Variants in XIRP1 observed in about 807,000 individuals in gnomAD.
The protein encoded by XIRP1 is xin actin-binding repeat-containing protein 1.
For synonymous variants in XIRP1, 984 were observed against 947.0 expected, an observed-to-expected ratio of 1.04 and a Z score of -0.72; for missense variants, 2,378 against 2,345.4, an observed-to-expected ratio of 1.01 and a Z score of -0.29.
In XIRP1 at chr3:39,188,428, G is replaced by T; in HGVS notation, c.1018C>A (p.Pro340Thr). 6.2e-7 allele frequency: 1 copy of T among 1,607,204 alleles called. No individual in the cohort carries two copies. Among genetic ancestry groups the T allele is most frequent in the Non-Finnish European group, 8.5e-7 (1 of 1,174,818 alleles). The change falls in exon 2 of 2, where the codon CCA becomes ACA. Residue 340 changes from proline (P) to threonine (T), a missense_variant. Transcript: ENST00000340369. ...AGATGCTGCTGCTGCTGAACATCTG[G>T]ACCAGGTGGGATAAGGTCTGGGGAT... ...QPSPDLIPPG[P>T]DVQQQQHLFE...
Position 39,185,415 on chromosome 3 carries a change from T to C in XIRP1, c.4031A>G (p.Lys1344Arg). 6.2e-7 allele frequency: 1 copy of C among 1,613,192 alleles called. No individual in the cohort carries two copies. Among genetic ancestry groups the C allele is most frequent in the Non-Finnish European group, 8.5e-7 (1 of 1,179,442 alleles). The change falls in exon 2 of 2, where the codon AAG becomes AGG. Residue 1344 changes from lysine to arginine, a missense_variant. Transcript: ENST00000340369. ...AAAGCTGGGAGATAGAGGCAAGGGC[T>C]TGGGCAGCCTCTGAGGAGGGTGGCT... ...TQSHPPQRLP[K>R]PLPLSPSFSS...
Position 39,186,398 on chromosome 3 carries a change from G to A in XIRP1, c.3048C>T (p.Asn1016=), listed in dbSNP as rs753351850. 8.1e-6 allele frequency: 13 copies of A among 1,614,206 alleles called. No homozygotes were observed. The highest frequency in any genetic ancestry group is 3.3e-5 in the Admixed American group (2 of 60,028). ...GEAAAPAQLQ[N]TEKQEDSHSG... is the part of the protein sequence containing the mutation. ...AGTGACTGTCTTCCTGCTTTTCTGT[G>A]TTTTGCAATTGGGCTGGTGCTGCAG... Residue 1016 remains asparagine, a synonymous_variant, in exon 2 of 2, where the codon AAC becomes AAT. Coordinates refer to ENST00000340369, the MANE Select transcript of XIRP1 (RefSeq NM_194293.4).
In XIRP1 at chr3:39,185,799, G is replaced by A; in HGVS notation, c.3647C>T (p.Pro1216Leu). 6.2e-7 allele frequency: 1 copy of A among 1,613,170 alleles called. No homozygotes were observed. Among genetic ancestry groups the A allele is most frequent in the Non-Finnish European group, 8.5e-7 (1 of 1,179,574 alleles). Reference sequence around the variant, plus strand: ...GGTCTCTGCAGCTTGGAGGCCCCCTGGGCAGACTTCTGCCATCGCCTTCCC... The same window carrying A: ...GGTCTCTGCAGCTTGGAGGCCCCCTAGGCAGACTTCTGCCATCGCCTTCCC... ...PPGKAMAEVC[P>L]GGLQAAETTL... The change falls in exon 2 of 2, where the codon CCA becomes CTA. Residue 1216 changes from proline (P) to leucine (L), a missense_variant. Transcript: ENST00000340369.
Position 39,187,101 on chromosome 3 carries a change from G to C in XIRP1, c.2345C>G (p.Pro782Arg). Reference sequence around the variant, plus strand: ...GATGCCTCCATGGTGCAGGATGCCAGGTGTGGCATGCAGAGTCCGCAGGGT... The same window carrying C: ...GATGCCTCCATGGTGCAGGATGCCACGTGTGGCATGCAGAGTCCGCAGGGT... ...EGTLRTLHAT[P>R]GILHHGGILM... The change falls in exon 2 of 2, where the codon CCT (proline) becomes CGT (arginine). Residue 782 changes from proline to arginine, a missense_variant. Pro to Arg is a moderately radical substitution (Grantham distance 103). Coordinates refer to ENST00000340369, the MANE Select transcript of XIRP1 (RefSeq NM_194293.4). 6.2e-7 allele frequency: 1 copy of C among 1,613,694 alleles called. No individual in the cohort carries two copies. Among genetic ancestry groups the C allele is most frequent in the Non-Finnish European group, 8.5e-7 (1 of 1,179,630 alleles).
At position 39,186,707 on chromosome 3, in the gene XIRP1, C is replaced by T. The variant is rs1471502684; in HGVS notation, c.2739G>A (p.Gln913=). The change falls in exon 2 of 2, where the codon CAG becomes CAA. Residue 913 remains glutamine (Q), a synonymous_variant. Coordinates refer to ENST00000340369, the MANE Select transcript of XIRP1 (RefSeq NM_194293.4). ...CAGAGGCCTTGCTAGTTAGCCGGGG[C>T]TGCAGAGAGTAGGCAGTCAGTGCGA... ...GLVALTAYSL[Q]PRLTSKASER... is the part of the protein sequence containing the mutation. 6.2e-7 allele frequency: 1 copy of T among 1,614,004 alleles called. No homozygotes were observed. Among genetic ancestry groups the T allele is most frequent in the Non-Finnish European group, 8.5e-7 (1 of 1,180,038 alleles).
chr3:39,191,396 A>T (rs551527186), intron 1 of XIRP1, among the ~76,000 whole-genome samples: 3 of 141,544 alleles, frequency 2.1e-5, no homozygotes, highest in African/African-American at 8.0e-5. Flanking sequence ...ATCTCTGCTA[A>T]GGCCACAGAC....
At position 39,184,087 on chromosome 3, in the gene XIRP1, T is replaced by C. The variant is rs781623202; in HGVS notation, c.5359A>G (p.Thr1787Ala). 1 of 1,608,054 alleles carries C rather than the reference T, an allele frequency of 6.2e-7. No individual in the cohort carries two copies. Among genetic ancestry groups the C allele is most frequent in the East Asian group, 2.2e-5 (1 of 44,724 alleles). Residue 1787 changes from threonine to alanine, a missense_variant, in exon 2 of 2, where the codon ACC becomes GCC. By Grantham distance (58) the Thr-to-Ala change is moderately conservative. Coordinates refer to ENST00000340369, the MANE Select transcript of XIRP1 (RefSeq NM_194293.4). ...QFGNTVLMSS[T>A]TVTEQAEPPR... ...GGCTCTGCCTGCTCGGTGACTGTGG[T>C]GGAAGACATGAGGACTGTGTTCCCA...
In XIRP1 at chr3:39,186,141, T is replaced by C. The variant is rs778548901; in HGVS notation, c.3305A>G (p.Asn1102Ser). 1.2e-6 allele frequency: 2 copies of C among 1,613,496 alleles called. No individual in the cohort carries two copies. The highest frequency in any genetic ancestry group is 1.1e-5 in the South Asian group (1 of 90,998). The change falls in exon 2 of 2, where the codon AAC becomes AGC. Residue 1102 changes from asparagine (N) to serine (S), a missense_variant. Coordinates refer to ENST00000340369, the MANE Select transcript of XIRP1 (RefSeq NM_194293.4). ...ATCACTTCCACCCCCAGGCCTTATG[T>C]TGCTTTGGGTAGCCCCAGCTTTCCG... ...GLRKAGATQS[N>S]IRPGGGSDPR...
rs375830547 is a variant in XIRP1, at chr3:39,189,372, G to A, written c.74C>T (p.Pro25Leu). 6.2e-7 allele frequency: 1 copy of A among 1,612,038 alleles called. No homozygotes were observed. The highest frequency in any genetic ancestry group is 8.5e-7 in the Non-Finnish European group (1 of 1,179,550). The change falls in exon 2 of 2, where the codon CCT becomes CTT. Residue 25 changes from proline (P) to leucine (L), a missense_variant. By Grantham distance (98) the Pro-to-Leu change is moderately conservative. Transcript: ENST00000340369. ...CAGGTCCTCCAGGGCTGGGGGTGGA[G>A]GGAGGGGCAGGTCCTCTGCAGTTGC... ...RMATAEDLPL[P>L]PPPALEDLPL...
In XIRP1 at chr3:39,188,985, C is replaced by T. The variant is rs530310021; in HGVS notation, c.461G>A (p.Arg154His). Residue 154 changes from arginine (R) to histidine (H), a missense_variant, in exon 2 of 2, where the codon CGT becomes CAT. By Grantham distance (29) the Arg-to-His change is conservative. Transcript: ENST00000340369. ...TRPQPGGGDV[R>H]AARWLFETKP... ...TGTCTCAAATAGCCAGCGGGCTGCA[C>T]GAACGTCTCCTCCACCTGGCTGGGG... is the stretch of plus-strand genomic sequence containing the variant. 24 of 1,613,872 alleles carry T rather than the reference C, an allele frequency of 1.5e-5. No homozygotes were observed. The African/African-American group carries it at 1.9e-4, about 13-fold the overall frequency.
chr3:39,188,002 G>C lies in XIRP1; in HGVS notation c.1444C>G (p.Pro482Ala), dbSNP rs1321783803. ...SAGQAQGIGS[P>A]VYAMQDSKGR... ...TTGCTGTCCTGCATGGCATACACTGGGGACCCTATGCCCTGGGCCTGCCCA... is the reference window on the plus strand; with the variant it reads ...TTGCTGTCCTGCATGGCATACACTGCGGACCCTATGCCCTGGGCCTGCCCA... The change falls in exon 2 of 2, where the codon CCA becomes GCA. Residue 482 changes from proline to alanine, a missense_variant. Transcript: ENST00000340369. 3 of 1,614,218 alleles carry C rather than the reference G, an allele frequency of 1.9e-6. No individual in the cohort carries two copies. The South Asian group carries it at 3.3e-5, about 18-fold the overall frequency.
In XIRP1 at chr3:39,186,688, C is replaced by A; in HGVS notation, c.2758G>T (p.Ala920Ser). The change falls in exon 2 of 2, where the codon GCC becomes TCC. Residue 920 changes from alanine to serine, a missense_variant. Transcript: ENST00000340369. ...YSLQPRLTSKASERSSVQLLA... is the reference protein window; with the variant it reads ...YSLQPRLTSKSSERSSVQLLA... ...AGCTGCACGCTGCTCCTCTCAGAGG[C>A]CTTGCTAGTTAGCCGGGGCTGCAGA... 1.2e-6 allele frequency: 2 copies of A among 1,614,026 alleles called. No individual in the cohort carries two copies. Among genetic ancestry groups the A allele is most frequent in the Non-Finnish European group, 1.7e-6 (2 of 1,180,030 alleles).
rs768418504 is a variant in XIRP1, at chr3:39,188,385, A to G, written c.1061T>C (p.Leu354Pro). Residue 354 changes from leucine (L) to proline (P), a missense_variant, in exon 2 of 2, where the codon CTG becomes CCG. Physicochemically the swap from Leu to Pro is moderately conservative, Grantham distance 98. Transcript: ENST00000340369. ...QQQHLFETRALDTLKGDEEAG... is the reference protein window; with the variant it reads ...QQQHLFETRAPDTLKGDEEAG... Reference sequence around the variant, plus strand: ...CTCTTCGTCCCCCTTCAGAGTGTCCAGCGCTCGGGTCTCAAACAGATGCTG... The same window carrying G: ...CTCTTCGTCCCCCTTCAGAGTGTCCGGCGCTCGGGTCTCAAACAGATGCTG... The G allele has an allele frequency of 1.2e-6, 2 of 1,613,518 alleles. No homozygotes were observed. Among genetic ancestry groups the G allele is most frequent in the South Asian group, 1.1e-5 (1 of 91,070 alleles).
rs1282158795 is a variant in XIRP1 at position 39,188,027 on chromosome 3, A to G, written c.1419T>C (p.Ala473=). Residue 473 remains alanine, a synonymous_variant, in exon 2 of 2, where the codon GCT becomes GCC. Coordinates refer to ENST00000340369, the MANE Select transcript of XIRP1 (RefSeq NM_194293.4). ...GGGACCCTATGCCCTGGGCCTGCCCAGCAGAATCAGTTCCTTCTTCTCTGC... is the reference window on the plus strand; with the variant it reads ...GGGACCCTATGCCCTGGGCCTGCCCGGCAGAATCAGTTCCTTCTTCTCTGC... ...SPSREEGTDS[A]GQAQGIGSPV... The G allele has an allele frequency of 5.0e-6, 8 of 1,614,212 alleles. No homozygotes were observed. Among genetic ancestry groups the G allele is most frequent in the African/African-American group, 1.3e-5 (1 of 75,062 alleles).
Position 39,187,582 on chromosome 3 carries a change from C to A in XIRP1, c.1864G>T (p.Glu622Ter), listed in dbSNP as rs746679625. 6.2e-7 allele frequency: 1 copy of A among 1,614,126 alleles called. No individual in the cohort carries two copies. The change falls in exon 2 of 2, where the codon GAG (glutamate) becomes TAG (stop). Residue 622 changes from glutamate to a stop codon, truncating the protein, a stop_gained. Transcript: ENST00000340369. LOFTEE classifies it low-confidence loss of function (END_TRUNC). ...SEVTDPTAKA[E>*]AQSCTWMFKP... ...AACATCCAGGTGCAGGACTGTGCCT[C>A]AGCCTTGGCTGTGGGATCTGTGACC...
In XIRP1 at chr3:39,188,682, G is replaced by A. The variant is rs1366984603; in HGVS notation, c.764C>T (p.Ala255Val). The change falls in exon 2 of 2, where the codon GCC becomes GTC. Residue 255 changes from alanine (A) to valine (V), a missense_variant. Physicochemically the swap from Ala to Val is moderately conservative, Grantham distance 64 (BLOSUM62 0). Coordinates refer to ENST00000340369, the MANE Select transcript of XIRP1 (RefSeq NM_194293.4). ...DAEGAIHEVK[A>V]ACREEIQSNA... Reference sequence around the variant, plus strand: ...GCTTTGGATCTCCTCCCGGCATGCGGCCTTGACCTCATGGATGGCGCCCTC... The same window carrying A: ...GCTTTGGATCTCCTCCCGGCATGCGACCTTGACCTCATGGATGGCGCCCTC... 2 of 1,613,428 alleles carry A rather than the reference G, an allele frequency of 1.2e-6. No homozygotes were observed. The highest frequency in any genetic ancestry group is 1.1e-5 in the South Asian group (1 of 91,088).
At position 39,188,117 on chromosome 3, in the gene XIRP1, G is replaced by T. The variant is rs767633718; in HGVS notation, c.1329C>A (p.Asn443Lys). 6 of 1,614,178 alleles carry T rather than the reference G, an allele frequency of 3.7e-6. No individual in the cohort carries two copies. The Admixed American group carries it at 6.7e-5, about 18-fold the overall frequency. Reference sequence around the variant, plus strand: ...TGTCCAAGGGAAGGGTCTCAAAAAGGTTCTTAAAAGTCTTCACATCCCCCT... The same window carrying T: ...TGTCCAAGGGAAGGGTCTCAAAAAGTTTCTTAAAAGTCTTCACATCCCCCT... ...ELKGDVKTFK[N>K]LFETLPLDSI... The change falls in exon 2 of 2, where the codon AAC becomes AAA. Residue 443 changes from asparagine (N) to lysine (K), a missense_variant. By Grantham distance (94) the Asn-to-Lys change is moderately conservative. Coordinates refer to ENST00000340369, the MANE Select transcript of XIRP1 (RefSeq NM_194293.4).
chr3:39,187,709 TCCC>T lies in XIRP1; in HGVS notation c.1734_1736del (p.Gly579del). 6.2e-7 allele frequency: 1 copy of T among 1,614,070 alleles called. No individual in the cohort carries two copies. Among genetic ancestry groups the T allele is most frequent in the Non-Finnish European group, 8.5e-7 (1 of 1,180,046 alleles). The stretch of plus-strand genomic sequence containing the variant: ...TTGGGGGTGCCTCAGGCTGGGGGTC[TCCC>T]TGACTCTTCCCTTCTTCTTTCTGTC... On this transcript the variant is annotated inframe_deletion, in exon 2 of 2. Transcript: ENST00000340369.
chr3:39,187,698 G>A lies in XIRP1; in HGVS notation c.1748C>T (p.Pro583Leu). 6.2e-7 allele frequency: 1 copy of A among 1,614,054 alleles called. No individual in the cohort carries two copies. Among genetic ancestry groups the A allele is most frequent in the Non-Finnish European group, 8.5e-7 (1 of 1,180,036 alleles). Residue 583 changes from proline (P) to leucine (L), a missense_variant, in exon 2 of 2, where the codon CCT (proline) becomes CTT (leucine). Coordinates refer to ENST00000340369, the MANE Select transcript of XIRP1 (RefSeq NM_194293.4). ...EEGKSQGDPQ[P>L]EAPPKGDVQT... ...CACATCGCCCTTTGGGGGTGCCTCA[G>A]GCTGGGGGTCTCCCTGACTCTTCCC...
Sources: allele counts gnomAD v4.1 joint callset (sites outside exome capture counted in the v4.1 genomes callset), GRCh38; gene constraint gnomAD v4.1.1; transcripts MANE v1.5; gene names NCBI Gene and HGNC (gene_info 2026-07-23, HGNC 2026-07-21).